The following LRRC19 variants were observed in gnomAD, a reference collection of about 807,000 sequenced individuals.
LRRC19 encodes the protein leucine rich repeat containing 19, also known as leucine-rich repeat-containing protein 19.
LRRC19 carries 33 observed loss-of-function variants against 33.3 expected under a neutral mutation model. That is an observed-to-expected ratio of 0.99 (90% CI 0.75 to 1.33). The LOEUF (loss-of-function observed/expected upper bound fraction) is 1.33, where lower values mean the gene tolerates loss of function less well. Among genes scored for constraint, LRRC19 ranks in the 40% most tolerant of loss-of-function variants. The pLI, the probability that LRRC19 is intolerant of heterozygous loss-of-function variation, is 0.00. For synonymous variants in LRRC19, 184 were observed against 152.3 expected, an observed-to-expected ratio of 1.21 and a Z score of -1.53; for missense variants, 463 against 417.3, an observed-to-expected ratio of 1.11 and a Z score of -0.95.
Position 26,999,649 on chromosome 9 carries a change from T to C in LRRC19, c.46A>G (p.Ile16Val), listed in dbSNP as rs760901347. 20 of 1,610,036 alleles carry C rather than the reference T, an allele frequency of 1.2e-5. No homozygotes were observed. Among genetic ancestry groups the C allele is most frequent in the Non-Finnish European group, 1.6e-5 (19 of 1,178,226 alleles). The change falls in exon 2 of 5, where the codon ATA becomes GTA. Residue 16 changes from isoleucine (I) to valine (V), a missense_variant. Ile to Val is a conservative substitution (Grantham distance 29, BLOSUM62 3). Transcript: ENST00000380055. The part of the protein sequence containing the change: ...ITILFWPLSM[I>V]LLSDKIQSSK... ...GACTGGATTTTGTCTGATAATAATA[T>C]CATGGAGAGGGGCCAAAAGAGGATT...
At chr9:26,999,806 C>G in intron 1 of LRRC19, 103 bp from the exon 2 acceptor site, 3 of 633,822 alleles carry the variant, frequency 4.7e-6, no homozygotes, top group Non-Finnish European at 7.1e-6. Flanking sequence ...GAGACAGGGT[C>G]TCACTCTGTC....
At position 26,995,310 on chromosome 9, in the gene LRRC19, A is replaced by T. The variant is rs184325326; in HGVS notation, c.*211T>A. Reference sequence around the variant, plus strand: ...AATAGTAGTGCTAGTATTGTAGACTATGTAACTGTCAACTACCGAGGAGTG... The same window carrying T: ...AATAGTAGTGCTAGTATTGTAGACTTTGTAACTGTCAACTACCGAGGAGTG... On this transcript the variant is annotated 3_prime_UTR_variant, in exon 5 of 5. Transcript: ENST00000380055. The T allele has an allele frequency of 6.4e-6, 3 of 468,024 alleles. No individual in the cohort carries two copies. The highest frequency in any genetic ancestry group is 5.0e-5 in the South Asian group (2 of 40,342). 29.0% of individuals were successfully genotyped at this position (468,024 alleles called of 1,614,324 possible).
intron 4 of LRRC19, 26 bp downstream of exon 4, chr9:26,996,285 G>A (rs1209620339): frequency 1.5e-6 from 2 of 1,336,496 alleles, no homozygotes; most frequent in Non-Finnish European, 2.1e-6. Context: ...ATTCAGCAGT[G>A]TTAATATATA....
Position 26,997,931 on chromosome 9 carries a change from T to C in LRRC19, c.392A>G (p.Asn131Ser). 1 of 1,614,038 alleles carries C rather than the reference T, an allele frequency of 6.2e-7. No homozygotes were observed. The highest frequency in any genetic ancestry group is 1.3e-5 in the African/African-American group (1 of 75,026). Residue 131 changes from asparagine to serine, a missense_variant, in exon 3 of 5, where the codon AAC becomes AGC. Transcript: ENST00000380055. ...ATCAGCATTCAGTTGTTCTATTTTG[T>C]TTTGGCAGAGATATAACTGTTTTAG... Reference protein sequence around the residue: ...NKLKQLYLCQNKIEQLNADVF... With the variant: ...NKLKQLYLCQSKIEQLNADVF...
At chr9:26,996,729 A>G (rs956389331) in intron 3 of LRRC19, among the ~76,000 whole-genome samples, 6 of 152,150 alleles carry the variant, frequency 3.9e-5, no homozygotes, top group African/African-American at 1.4e-4. Context: ...TATCTGTATT[A>G]GTGTAGATTT....
rs1379403146 is a variant in LRRC19, at chr9:26,998,083, C to A, written c.240G>T (p.Leu80Phe). The A allele has an allele frequency of 6.2e-7, 1 of 1,613,482 alleles. No homozygotes were observed. Among genetic ancestry groups the A allele is most frequent in the Admixed American group, 1.7e-5 (1 of 59,996 alleles). Residue 80 changes from leucine to phenylalanine, a missense_variant, in exon 3 of 5, where the codon TTG becomes TTT. Leu to Phe is a conservative substitution (Grantham distance 22). Coordinates refer to ENST00000380055, the MANE Select transcript of LRRC19 (RefSeq NM_022901.3). ...GTAAGATAGTAACCTTGTTCTCAATCAAATAGAGCTCTGTGAGTAAAAAGT... is the reference window on the plus strand; with the variant it reads ...GTAAGATAGTAACCTTGTTCTCAATAAAATAGAGCTCTGTGAGTAAAAAGT... Reference protein sequence around the residue: ...QTYFLLTELYLIENKVTILHN... With the variant: ...QTYFLLTELYFIENKVTILHN...
chr9:26,996,565 GT>G, intron 3 of LRRC19, 66 bp from the exon 4 acceptor site: 1 of 1,111,806 alleles, frequency 9.0e-7, no homozygotes, highest in Non-Finnish European at 1.2e-6. Context: ...TTTTATAATT[GT>G]TTTATCTAGA....
chr9:26,996,213 T>G (rs552437678), intron 4 of LRRC19, 98 bp downstream of exon 4: 1 of 786,648 alleles, frequency 1.3e-6, no homozygotes, highest in Admixed American at 3.5e-5. Context: ...GGAATCTTTC[T>G]TTTACATTTT....
rs751056605 is a variant in LRRC19 at position 26,993,601 on chromosome 9, CTATTT to C, written c.*1915_*1919del. On this transcript the variant is annotated 3_prime_UTR_variant, in exon 5 of 5. Coordinates refer to ENST00000380055, the MANE Select transcript of LRRC19 (RefSeq NM_022901.3). ...CTATTCTATAGATTATGACATAGAT[CTATTT>C]TATTTTAGCCTCTTTTTTCTAAGGA... 3 of 152,262 alleles carry C rather than the reference CTATTT, an allele frequency of 2.0e-5. No homozygotes were observed. The highest frequency in any genetic ancestry group is 2.9e-5 in the Non-Finnish European group (2 of 67,974). The allele number at this position is 152,262 out of a possible 1,614,324, so 9.4% of individuals were successfully genotyped here. A position where few individuals can be genotyped will look rare whatever the true frequency, so the allele number is the denominator to read the frequency against.
intron 3 of LRRC19, among the ~76,000 whole-genome samples, chr9:26,996,899 A>G (rs1353287219): frequency 6.6e-6 from 1 of 152,156 alleles, no homozygotes; most frequent in African/African-American, 2.4e-5. Flanking sequence ...TGACATTATC[A>G]TCTCACATGT....
intron 1 of LRRC19, among the ~76,000 whole-genome samples, chr9:27,002,744 T>A (rs182151045): frequency 2.6e-5 from 4 of 152,328 alleles, no homozygotes. Context: ...CTTTGTTCCT[T>A]TTTGCTGAGG....
chr9:27,000,843 G>A (rs951419045), intron 1 of LRRC19, among the ~76,000 whole-genome samples: 3 of 152,018 alleles, frequency 2.0e-5, no homozygotes, highest in Non-Finnish European at 2.9e-5. Context: ...AATAAAAGTT[G>A]AAGGAAAAAA....
intron 2 of LRRC19, among the ~76,000 whole-genome samples, chr9:26,998,820 C>T (rs867358799): frequency 1.3e-4 from 20 of 150,160 alleles, no homozygotes; most frequent in African/African-American, 3.7e-4. Flanking sequence ...CCTGTCTCTA[C>T]TGAAAATACA....
chr9:26,997,660 G>T, intron 3 of LRRC19, 68 bp downstream of exon 3: 1 of 1,481,866 alleles, frequency 6.7e-7, no homozygotes, highest in Admixed American at 2.2e-5. Flanking sequence ...AACGTGATAT[G>T]AGAGATTTTT....
rs895671691 is a variant in LRRC19 at position 26,993,159 on chromosome 9, A to G, written c.*2362T>C. ...CATTTATTTTTCTTTGTGTAGTCAG[A>G]TATTTATTGAATACCCCATATTCAA... is the stretch of plus-strand genomic sequence containing the variant. On this transcript the variant is annotated 3_prime_UTR_variant, in exon 5 of 5. Coordinates refer to ENST00000380055, the MANE Select transcript of LRRC19 (RefSeq NM_022901.3). The G allele has an allele frequency of 1.5e-4, 23 of 152,162 alleles. No homozygotes were observed. The highest frequency in any genetic ancestry group is 1.5e-3 in the Admixed American group (23 of 15,272). 9.4% of individuals were successfully genotyped at this position (152,162 alleles called of 1,614,324 possible).
intron 1 of LRRC19, among the ~76,000 whole-genome samples, chr9:26,999,971 G>A (rs919140200): frequency 6.6e-6 from 1 of 151,986 alleles, no homozygotes; most frequent in Non-Finnish European, 1.5e-5. Flanking sequence ...GGGTCACCAT[G>A]TGTTACTCAG....
intron 2 of LRRC19, 128 bp downstream of exon 2, chr9:26,999,486 G>T: frequency 1.6e-6 from 1 of 636,138 alleles, no homozygotes; most frequent in Middle Eastern, 4.5e-4. Flanking sequence ...GATATACAGA[G>T]CTAAATAAAC....
rs768830461 is a variant in LRRC19 at position 26,996,385 on chromosome 9, T to C, written c.710A>G (p.Asp237Gly). Residue 237 changes from aspartate (D) to glycine (G), a missense_variant, in exon 4 of 5, where the codon GAT becomes GGT. By Grantham distance (94) the Asp-to-Gly change is moderately conservative (BLOSUM62 -1). Coordinates refer to ENST00000380055, the MANE Select transcript of LRRC19 (RefSeq NM_022901.3). ...HSKFPSSVTEDLYIHFQPISN... is the reference protein window; with the variant it reads ...HSKFPSSVTEGLYIHFQPISN... Reference sequence around the variant, plus strand: ...GATGGGCTGAAAATGAATATAAAGATCTTCAGTTACTGATGAAGGAAATTT... The same window carrying C: ...GATGGGCTGAAAATGAATATAAAGACCTTCAGTTACTGATGAAGGAAATTT... The C allele has an allele frequency of 4.3e-6, 7 of 1,610,966 alleles. No individual in the cohort carries two copies. Among genetic ancestry groups the C allele is most frequent in the Non-Finnish European group, 5.9e-6 (7 of 1,178,078 alleles).
At chr9:27,002,734 C>T (rs1261133814) in intron 1 of LRRC19, among the ~76,000 whole-genome samples, 2 of 152,154 alleles carry the variant, frequency 1.3e-5, no homozygotes, top group Non-Finnish European at 2.9e-5. Flanking sequence ...ATGCCTCCAG[C>T]TTTGTTCCTT....
Sources: gnomAD v4.1 joint callset for allele counts (sites outside exome capture counted in the v4.1 genomes callset) on GRCh38, gnomAD v4.1.1 for gene constraint, MANE v1.5 for transcripts, NCBI Gene and HGNC (gene_info 2026-07-23, HGNC 2026-07-21) for gene names.